The following PAPSS1 variants were observed in gnomAD, a reference collection of about 807,000 sequenced individuals.
PAPSS1 encodes the protein 3'-phosphoadenosine 5'-phosphosulfate synthase 1, also known as bifunctional 3'-phosphoadenosine 5'-phosphosulfate synthase 1.
A neutral mutation model predicts 72.0 loss-of-function variants in PAPSS1; 50 were observed. The ratio of observed to expected loss-of-function variants is 0.69; its 90% CI spans 0.55 to 0.88. PAPSS1 has a LOEUF of 0.88. Among genes scored for constraint, PAPSS1 ranks in the 40% least tolerant of loss-of-function variants. The pLI, the probability that PAPSS1 is intolerant of heterozygous loss-of-function variation, is 0.00. For missense variants in PAPSS1, 657 were observed against 782.2 expected, an observed-to-expected ratio of 0.84 and a Z score of 1.91; for synonymous variants, 261 against 263.6, an observed-to-expected ratio of 0.99 and a Z score of 0.09.
intron 4 of PAPSS1, among the ~76,000 whole-genome samples, chr4:107,682,453 C>T (rs2110336781): frequency 6.6e-6 from 1 of 152,234 alleles, no homozygotes; most frequent in East Asian, 1.9e-4. Context: ...TGTTTATTTT[C>T]GCTGGGAACT....
intron 6 of PAPSS1, 145 bp from the exon 7 acceptor site, chr4:107,657,152 T>C (rs1727036800): frequency 1.7e-6 from 1 of 583,486 alleles, no homozygotes; most frequent in Non-Finnish European, 3.1e-6. Context: ...TAACAAAGAA[T>C]AAGGGCACTA....
At chr4:107,682,227 T>A (rs1722640630) in intron 4 of PAPSS1, 94 bp from the exon 5 acceptor site, 2 of 601,508 alleles carry the variant, frequency 3.3e-6, no homozygotes, top group East Asian at 5.6e-5. Flanking sequence ...GAAGTTAGTA[T>A]CTGCGCTGTC....
chr4:107,616,867 A>G (rs963417277), intron 11 of PAPSS1, among the ~76,000 whole-genome samples: 2 of 152,234 alleles, frequency 1.3e-5, no homozygotes, highest in African/African-American at 4.8e-5. Context: ...GGCTACTTCT[A>G]CATTCCCTTT....
At chr4:107,692,861 T>C (rs975488222) in intron 3 of PAPSS1, among the ~76,000 whole-genome samples, 2 of 151,396 alleles carry the variant, frequency 1.3e-5, no homozygotes, top group African/African-American at 4.9e-5. Flanking sequence ...ATGGATGGAG[T>C]TGGAAGCCAC....
intron 11 of PAPSS1, among the ~76,000 whole-genome samples, chr4:107,628,160 C>T (rs1227646255): frequency 6.6e-6 from 1 of 152,136 alleles, no homozygotes; most frequent in Non-Finnish European, 1.5e-5. Context: ...ATAAGACTTT[C>T]CTGCATTTTA....
rs1004565256 is a variant in PAPSS1, at chr4:107,654,832, C to T, written c.964G>A (p.Gly322Ser). The T allele has an allele frequency of 5.0e-6, 8 of 1,613,690 alleles. No homozygotes were observed. The African/African-American group carries it at 5.3e-5, about 11-fold the overall frequency. The change falls in exon 8 of 12, where the codon GGC (glycine) becomes AGC (serine). Residue 322 changes from glycine (G) to serine (S), a missense_variant. By Grantham distance (56) the Gly-to-Ser change is moderately conservative (BLOSUM62 0). This residue lies in a region of PAPSS1 where 190 missense variants were observed against 176.7 expected (regional missense o/e 1.07). Coordinates refer to ENST00000265174, the MANE Select transcript of PAPSS1 (RefSeq NM_005443.5). ...TACATCAGAGCAAATGCTGTACAGC[C>T]GTCCAGCCTCTCTTTATCTTCATGA... Reference protein sequence around the residue: ...ATHEDKERLDGCTAFALMYEG... With the variant: ...ATHEDKERLDSCTAFALMYEG...
chr4:107,645,471 T>C (rs1726667878), intron 9 of PAPSS1, among the ~76,000 whole-genome samples: 3 of 152,206 alleles, frequency 2.0e-5, no homozygotes, highest in Admixed American at 2.0e-4. Flanking sequence ...CCAAACGACC[T>C]AATATAATGC....
chr4:107,712,667 G>T (rs932595235), intron 1 of PAPSS1, among the ~76,000 whole-genome samples: 3 of 152,070 alleles, frequency 2.0e-5, no homozygotes, highest in African/African-American at 4.8e-5. Context: ...GAGGTCAAGA[G>T]ATCGAGACTA....
At chr4:107,701,942 CTGG>C (rs1723213879) in intron 1 of PAPSS1, among the ~76,000 whole-genome samples, 1 of 147,900 alleles carries the variant, frequency 6.8e-6, no homozygotes, top group Non-Finnish European at 1.5e-5. Context: ...GTGGAATGTA[CTGG>C]TTATAACTTC....
intron 2 of PAPSS1, 92 bp downstream of exon 2, chr4:107,701,079 A>C: frequency 4.7e-6 from 3 of 639,764 alleles, no homozygotes; most frequent in African/African-American, 1.8e-5. Context: ...ATACAAGAAC[A>C]GAGCTCAAAA....
At chr4:107,658,753 G>A (rs1033027047) in intron 6 of PAPSS1, among the ~76,000 whole-genome samples, 1 of 151,670 alleles carries the variant, frequency 6.6e-6, no homozygotes, top group Non-Finnish European at 1.5e-5. Context: ...GCTACTACTT[G>A]TCTCTACTGG....
chr4:107,614,428 GA>G, intron 11 of PAPSS1, 41 bp from the exon 12 acceptor site: 1 of 1,518,284 alleles, frequency 6.6e-7, no homozygotes, highest in Non-Finnish European at 9.0e-7. Context: ...CATAATTTTA[GA>G]AACTTAGATT....
chr4:107,679,314 CA>C (rs1196636298), intron 5 of PAPSS1, among the ~76,000 whole-genome samples: 1 of 152,078 alleles, frequency 6.6e-6, no homozygotes, highest in East Asian at 1.9e-4. Flanking sequence ...GAAGCAGGAA[CA>C]CTAAGAAAAA....
In PAPSS1 at chr4:107,691,709, A is replaced by G. The variant is rs532193338; in HGVS notation, c.411+2062T>C. On this transcript the variant is annotated intron_variant, in intron 3 of 11. Transcript: ENST00000265174. ...CAAGTATAGTGTGTGACCTTGGGCA[A>G]TGCACACCTTTGTTTCCTTGTGTCC... is the stretch of plus-strand genomic sequence containing the variant. Among the ~76,000 whole-genome samples the G allele has an allele frequency of 3.9e-5, 6 of 152,266 alleles. No homozygotes were observed. In the East Asian group the frequency reaches 7.7e-4, roughly 20 times the overall value.
chr4:107,694,104 C>A (rs772127764), intron 2 of PAPSS1, 98 bp from the exon 3 acceptor site: 17 of 851,012 alleles, frequency 2.0e-5, no homozygotes, highest in Admixed American at 9.2e-5. Context: ...TCTTGCTCTG[C>A]CACCCAGGCT....
At chr4:107,714,877 A>C (rs1206211107) in intron 1 of PAPSS1, among the ~76,000 whole-genome samples, 2 of 152,158 alleles carry the variant, frequency 1.3e-5, no homozygotes, top group Non-Finnish European at 2.9e-5. Context: ...CAACTACGCT[A>C]AGGGGAGGCT....
rs201528495 is a variant in PAPSS1, at chr4:107,670,194, C to T, written c.670-10122G>A. Among the ~76,000 whole-genome samples the T allele has an allele frequency of 4.6e-5, 7 of 152,264 alleles. No individual in the cohort carries two copies. The East Asian group carries it at 1.4e-3, about 29-fold the overall frequency. ...AAATATGTCCCTTATAATAAGGACT[C>T]AGCAAATGTTAATTTCTTATCTATC... On this transcript the variant is annotated intron_variant, in intron 5 of 11. Coordinates refer to ENST00000265174, the MANE Select transcript of PAPSS1 (RefSeq NM_005443.5).
chr4:107,705,371 C>G (rs1723315005), intron 1 of PAPSS1, among the ~76,000 whole-genome samples: 1 of 152,186 alleles, frequency 6.6e-6, no homozygotes, highest in African/African-American at 2.4e-5. Context: ...TGAGTTCTCA[C>G]AAGATTTGAT....
At chr4:107,642,216 T>C (rs959477617) in intron 10 of PAPSS1, among the ~76,000 whole-genome samples, 4 of 152,218 alleles carry the variant, frequency 2.6e-5, no homozygotes, top group African/African-American at 9.6e-5. Context: ...TATAAGAATT[T>C]ATTTCTAGTA....
Sources: allele counts gnomAD v4.1 joint callset (sites outside exome capture counted in the v4.1 genomes callset), GRCh38; gene constraint gnomAD v4.1.1; regional missense constraint gnomAD v4.1.1; transcripts MANE v1.5; gene names NCBI Gene and HGNC (gene_info 2026-07-23, HGNC 2026-07-21).